The following ADRA1D variants were observed in gnomAD, a reference collection of about 807,000 sequenced individuals.
ADRA1D encodes the protein alpha-1D adrenergic receptor.
A neutral mutation model predicts 18.6 loss-of-function variants in ADRA1D; 22 were observed. The observed-to-expected ratio is 1.19, with a 90% CI of 0.85 to 1.69. The LOEUF is 1.69. Among genes scored for constraint, ADRA1D ranks in the 40% most tolerant of loss-of-function variants. ADRA1D has a pLI of 0.00. For synonymous variants in ADRA1D, 376 were observed against 388.2 expected (o/e 0.97, Z 0.37); for missense variants, 840 against 840.7 (o/e 1.00, Z 0.01).
chr20:4,233,551 G>GA (rs1024317322), intron 1 of ADRA1D, among the ~76,000 whole-genome samples: 1 of 151,140 alleles, frequency 6.6e-6, no homozygotes, highest in Non-Finnish European at 1.5e-5. Context: ...AGATCTGTTA[G>GA]AAAAAAAAAT....
chr20:4,238,400 A>G (rs1025841951), intron 1 of ADRA1D, among the ~76,000 whole-genome samples: 5 of 152,228 alleles, frequency 3.3e-5, no homozygotes, highest in Non-Finnish European at 7.3e-5. Context: ...CTGAGGACAA[A>G]AGGGTCCATG....
At chr20:4,224,694 G>A (rs896425353) in intron 1 of ADRA1D, among the ~76,000 whole-genome samples, 1 of 141,008 alleles carries the variant, frequency 7.1e-6, no homozygotes, top group Non-Finnish European at 1.6e-5. Context: ...AGGTGCCTGT[G>A]AGACCAAGCA....
chr20:4,245,702 G>A (rs1981320424), intron 1 of ADRA1D, among the ~76,000 whole-genome samples: 1 of 152,220 alleles, frequency 6.6e-6, no homozygotes, highest in South Asian at 2.1e-4. Flanking sequence ...GGGGCCCAGT[G>A]TGAACCGAGG....
chr20:4,224,993 GTTTTTTTTTTTTT>G (rs562415272), intron 1 of ADRA1D, among the ~76,000 whole-genome samples: 1 of 120,096 alleles, frequency 8.3e-6, no homozygotes, highest in Non-Finnish European at 1.7e-5. Context: ...GGCCATCTAA[GTTTTTTTTTTTTT>G]TTTTTTTTTT....
chr20:4,247,796 G>A, intron 1 of ADRA1D, 51 bp downstream of exon 1: 2 of 1,443,576 alleles, frequency 1.4e-6, no homozygotes, highest in Non-Finnish European at 9.1e-7. Context: ...GGAGGGCACC[G>A]CCATAGGCTC....
intron 1 of ADRA1D, 58 bp downstream of exon 1, chr20:4,247,789 G>A: frequency 7.0e-7 from 1 of 1,426,456 alleles, no homozygotes; most frequent in Non-Finnish European, 9.2e-7. Flanking sequence ...GGTGCCAGGA[G>A]GGCACCGCCA....
Position 4,248,853 on chromosome 20 carries a change from C to T in ADRA1D, c.105G>A (p.Ala35=). The T allele has an allele frequency of 5.9e-6, 6 of 1,019,268 alleles. No individual in the cohort carries two copies. The highest frequency in any genetic ancestry group is 7.1e-6 in the Non-Finnish European group (6 of 850,102). 63.1% of individuals were successfully genotyped at this position (1,019,268 alleles called of 1,614,324 possible). A position where few individuals can be genotyped will look rare whatever the true frequency, so the allele number is the denominator to read the frequency against. ...AGGGGGSAGG[A]APSEGPAVGG... ...CCACCGCCGGGCCCTCCGAGGGGGC[C>T]GCGCCGCCCGCGCTGCCCCCGCCGC... The change falls in exon 1 of 2, where the codon GCG becomes GCA. Residue 35 remains alanine (A), a synonymous_variant. Transcript: ENST00000379453.
intron 1 of ADRA1D, among the ~76,000 whole-genome samples, chr20:4,227,759 CTCTCTTTCT>C (rs1345699186): frequency 8.1e-5 from 11 of 135,654 alleles, no homozygotes; most frequent in African/African-American, 3.1e-4. Flanking sequence ...TCTTCTCTCT[CTCTCTTTCT>C]TCTCTTTCTT....
intron 1 of ADRA1D, among the ~76,000 whole-genome samples, chr20:4,229,042 C>T (rs759205977): frequency 3.9e-5 from 6 of 152,196 alleles, no homozygotes; most frequent in South Asian, 2.1e-4. Context: ...TGTGGCTTCC[C>T]GGATGACAGT....
chr20:4,248,946 GC>G lies in ADRA1D; in HGVS notation c.11del (p.Arg4ProfsTer4). On this transcript the variant is annotated frameshift_variant, in exon 1 of 2. Coordinates refer to ENST00000379453, the MANE Select transcript of ADRA1D (RefSeq NM_000678.4). LOFTEE classifies it high-confidence loss of function. Reference protein sequence around the residue: MTFRDLLSVSFEGP... With the variant: MTFXDLLSVSFEGP... ...CCTCGAAACTGACGCTCAGGAGATC[GC>G]GGAAAGTCATCTCAACGCGCGGCCG... 1 of 1,353,224 alleles carries G rather than the reference GC, an allele frequency of 7.4e-7. No individual in the cohort carries two copies. Among genetic ancestry groups the G allele is most frequent in the Non-Finnish European group, 9.6e-7 (1 of 1,041,060 alleles). The allele number at this position is 1,353,224 out of a possible 1,614,324, so 83.8% of individuals were successfully genotyped here. A position where few individuals can be genotyped will look rare whatever the true frequency, so the allele number is the denominator to read the frequency against.
At chr20:4,234,735 G>T (rs1463488748) in intron 1 of ADRA1D, among the ~76,000 whole-genome samples, 3 of 152,154 alleles carry the variant, frequency 2.0e-5, no homozygotes. Context: ...ATTATAAAGG[G>T]TCAGCGAGCC....
At chr20:4,243,335 T>G (rs2027269) in intron 1 of ADRA1D, among the ~76,000 whole-genome samples, 95,843 of 151,830 alleles carry the variant, frequency 0.63, 32,704 homozygotes, top group Non-Finnish European at 0.77. Flanking sequence ...ACTCTACAAG[T>G]CTGGGCTCCT....
rs1981367826 is a variant in ADRA1D at position 4,247,745 on chromosome 20, C to T, written c.1111+102G>A. ...GGAGACTCAGGACTTGCTAAGTCAA[C>T]CTTCTAGGTTCAGGTGGGGGTCGCC... On this transcript the variant is annotated intron_variant, in intron 1 of 1. Coordinates refer to ENST00000379453, the MANE Select transcript of ADRA1D (RefSeq NM_000678.4). 8 of 1,327,950 alleles carry T rather than the reference C, an allele frequency of 6.0e-6. No individual in the cohort carries two copies. In the South Asian group the frequency reaches 1.2e-4, roughly 21 times the overall value. 82.3% of individuals were successfully genotyped at this position (1,327,950 alleles called of 1,614,324 possible). A position where few individuals can be genotyped will look rare whatever the true frequency, so the allele number is the denominator to read the frequency against.
At position 4,221,481 on chromosome 20, in the gene ADRA1D, AC is replaced by A; in HGVS notation, c.*41del. 1.3e-6 allele frequency: 2 copies of A among 1,562,392 alleles called. No individual in the cohort carries two copies. Among genetic ancestry groups the A allele is most frequent in the Middle Eastern group, 1.8e-4 (1 of 5,506 alleles). ...CCAGCCCGCCTCTCTGGTCCCCCTT[AC>A]CCCCAAGCCCAGCACACTCCGCGGC... On this transcript the variant is annotated 3_prime_UTR_variant, in exon 2 of 2. Coordinates refer to ENST00000379453, the MANE Select transcript of ADRA1D (RefSeq NM_000678.4).
chr20:4,248,883 C>A lies in ADRA1D; in HGVS notation c.75G>T (p.Ala25=). 1 of 1,147,008 alleles carries A rather than the reference C, an allele frequency of 8.7e-7. No homozygotes were observed. Among genetic ancestry groups the A allele is most frequent in the Non-Finnish European group, 1.1e-6 (1 of 932,502 alleles). 71.1% of individuals were successfully genotyped at this position (1,147,008 alleles called of 1,614,324 possible). ...CGCCCGCGCTGCCCCCGCCGCCGCC[C>A]GCGCTGGAGCCCCCTGCGCTGCTGT... The part of the protein sequence containing the change: ...RPDSSAGGSS[A]GGGGGSAGGA... The change falls in exon 1 of 2, where the codon GCG becomes GCT. Residue 25 remains alanine, a synonymous_variant. Coordinates refer to ENST00000379453, the MANE Select transcript of ADRA1D (RefSeq NM_000678.4).
chr20:4,238,114 G>A lies in ADRA1D; in HGVS notation c.1111+9733C>T, dbSNP rs62214060. Among the ~76,000 whole-genome samples, 373 of 151,570 alleles carry A rather than the reference G, an allele frequency of 2.5e-3. 2 individuals are homozygous for A. Among genetic ancestry groups the A allele is most frequent in the Non-Finnish European group, 3.8e-3 (257 of 67,862 alleles). On this transcript the variant is annotated intron_variant, in intron 1 of 1. Transcript: ENST00000379453. ...TAAAAATAAAAAAAATTAGCCGGGC[G>A]TGGTGGTGGGTGCCTGTAGTCCCAG... is the stretch of plus-strand genomic sequence containing the variant.
At position 4,221,399 on chromosome 20, in the gene ADRA1D, G is replaced by C. The variant is rs957510941; in HGVS notation, c.*124C>G. 7.3e-6 allele frequency: 8 copies of C among 1,090,918 alleles called. No homozygotes were observed. In the African/African-American group the frequency reaches 1.3e-4, roughly 18 times the overall value. The allele number at this position is 1,090,918 out of a possible 1,614,324, so 67.6% of individuals were successfully genotyped here. A position where few individuals can be genotyped will look rare whatever the true frequency, so the allele number is the denominator to read the frequency against. On this transcript the variant is annotated 3_prime_UTR_variant, in exon 2 of 2. Coordinates refer to ENST00000379453, the MANE Select transcript of ADRA1D (RefSeq NM_000678.4). ...TGCCCAGTTCCTCAGGGATGTCACA[G>C]AGCAGCTGCCCTGATCAGTTTCCGG...
intron 1 of ADRA1D, among the ~76,000 whole-genome samples, chr20:4,237,508 G>A (rs892696079): frequency 6.6e-6 from 1 of 151,742 alleles, no homozygotes; most frequent in African/African-American, 2.4e-5. Context: ...GTGAGGATCT[G>A]GCAGCCTCCG....
At chr20:4,241,207 G>A (rs80269538) in intron 1 of ADRA1D, among the ~76,000 whole-genome samples, 2,338 of 152,240 alleles carry the variant, frequency 0.015, 63 homozygotes, top group African/African-American at 0.052. Context: ...ACTCAAATGC[G>A]TAGACTCAAA....
Sources: allele counts gnomAD v4.1 joint callset (sites outside exome capture counted in the v4.1 genomes callset), GRCh38; gene constraint gnomAD v4.1.1; transcripts MANE v1.5; gene names NCBI Gene and HGNC (gene_info 2026-07-23, HGNC 2026-07-21).